Variants in CMSS1 observed in about 807,000 individuals in gnomAD.
The protein encoded by CMSS1 is protein CMSS1.
Under a neutral mutation model 43.5 loss-of-function variants are expected in CMSS1, and 33 were observed. The ratio of observed to expected loss-of-function variants is 0.76; its 90% CI spans 0.57 to 1.01. The LOEUF (loss-of-function observed/expected upper bound fraction) is 1.01, where lower values mean the gene tolerates loss of function less well. Among genes scored for constraint, CMSS1 ranks in the 50% least tolerant of loss-of-function variants. CMSS1 has a pLI of 0.00. For synonymous variants in CMSS1, 115 were observed against 117.2 expected, an observed-to-expected ratio of 0.98 and a Z score of 0.12; for missense variants, 313 against 326.4, an observed-to-expected ratio of 0.96 and a Z score of 0.32.
chr3:99,872,277 G>C (rs1241511862), intron 1 of CMSS1, among the ~76,000 whole-genome samples: 3 of 114,020 alleles, frequency 2.6e-5, no homozygotes, highest in African/African-American at 1.2e-4. Flanking sequence ...GACTGTGTGT[G>C]TGTGTGTGTG....
intron 1 of CMSS1, among the ~76,000 whole-genome samples, chr3:100,037,025 A>C (rs1362474067): frequency 5.9e-5 from 9 of 152,212 alleles, no homozygotes; most frequent in African/African-American, 2.2e-4. Flanking sequence ...GATTAAAAGA[A>C]ACCAAAGAGA....
chr3:99,998,086 C>A (rs1026293528), intron 1 of CMSS1, among the ~76,000 whole-genome samples: 6 of 152,168 alleles, frequency 3.9e-5, no homozygotes, highest in African/African-American at 7.2e-5. Flanking sequence ...TGAGTTAAAA[C>A]CAGTTAACTG....
intron 1 of CMSS1, among the ~76,000 whole-genome samples, chr3:99,942,351 T>C (rs1351911328): frequency 6.6e-6 from 1 of 152,186 alleles, no homozygotes; most frequent in East Asian, 1.9e-4. Flanking sequence ...TTTTAAATAC[T>C]CCAGAAAAAA....
intron 1 of CMSS1, among the ~76,000 whole-genome samples, chr3:100,088,772 C>T (rs2066055055): frequency 6.6e-6 from 1 of 152,062 alleles, no homozygotes; most frequent in Non-Finnish European, 1.5e-5. Context: ...TTTTGTCTCT[C>T]TTCTCTATCT....
intron 1 of CMSS1, chr3:99,830,512 G>A: frequency 2.2e-6 from 1 of 456,688 alleles, no homozygotes; most frequent in South Asian, 1.5e-5. Context: ...TTATCCATAG[G>A]CACTGTGGGG....
rs1464745181 is a variant in CMSS1, at chr3:99,914,603, CTCT to C, written c.64+96566_64+96568del. Among the ~76,000 whole-genome samples, 5 of 152,250 alleles carry C rather than the reference CTCT, an allele frequency of 3.3e-5. No individual in the cohort carries two copies. In the South Asian group the frequency reaches 1.0e-3, roughly 32 times the overall value. ...AAAGTTATAAAGTAAGAAATTGGTT[CTCT>C]TCTTCATTGTTAGTAATGGTATAAA... On this transcript the variant is annotated intron_variant, in intron 1 of 9. Coordinates refer to ENST00000421999, the MANE Select transcript of CMSS1 (RefSeq NM_032359.4).
chr3:99,871,184 G>A (rs1944768205), intron 1 of CMSS1, among the ~76,000 whole-genome samples: 1 of 152,144 alleles, frequency 6.6e-6, no homozygotes, highest in East Asian at 1.9e-4. Flanking sequence ...GACTTAACCT[G>A]AGCCTAACTG....
intron 1 of CMSS1, among the ~76,000 whole-genome samples, chr3:100,036,064 C>G (rs1053286679): frequency 2.0e-5 from 3 of 152,190 alleles, no homozygotes; most frequent in Admixed American, 2.0e-4. Context: ...CTAAAAACCC[C>G]TGTACCATCT....
chr3:99,955,581 C>A (rs1708298118), intron 1 of CMSS1, among the ~76,000 whole-genome samples: 1 of 152,126 alleles, frequency 6.6e-6, no homozygotes, highest in African/African-American at 2.4e-5. Flanking sequence ...AAGCCAGACA[C>A]TTTTTTACTT....
intron 1 of CMSS1, among the ~76,000 whole-genome samples, chr3:100,140,403 T>TTG: frequency 6.6e-6 from 1 of 152,294 alleles, no homozygotes; most frequent in Non-Finnish European, 1.5e-5. Context: ...CTCTATAGTT[T>TTG]TGCCCTTTCT....
intron 4 of CMSS1, 44 bp from the exon 5 acceptor site, chr3:100,166,291 G>T (rs199780598): frequency 3.2e-6 from 4 of 1,264,048 alleles, no homozygotes; most frequent in Non-Finnish European, 3.5e-6. Context: ...GATTGTGTGT[G>T]TGTTTACAAA....
rs183156721 is a variant in CMSS1 at position 100,176,320 on chromosome 3, C to T, written c.668-7C>T. 1.3e-6 allele frequency: 2 copies of T among 1,597,582 alleles called. No individual in the cohort carries two copies. The highest frequency in any genetic ancestry group is 1.7e-6 in the Non-Finnish European group (2 of 1,165,234). On this transcript the variant is annotated splice_region_variant and splice_polypyrimidine_tract_variant and intron_variant, in intron 8 of 9. Coordinates refer to ENST00000421999, the MANE Select transcript of CMSS1 (RefSeq NM_032359.4). ...TACTACAGCAACTCTCTTCCTGTCT[C>T]TTTCAGGTGGCCTTAATTTGAGCCC... is the stretch of plus-strand genomic sequence containing the variant.
chr3:100,145,640 A>G (rs2066843575), intron 1 of CMSS1, among the ~76,000 whole-genome samples: 2 of 152,336 alleles, frequency 1.3e-5, no homozygotes, highest in South Asian at 4.1e-4. Flanking sequence ...TTCTAGTCCT[A>G]GTCTAAAGGC....
intron 1 of CMSS1, among the ~76,000 whole-genome samples, chr3:99,967,056 G>A (rs2107711614): frequency 6.6e-6 from 1 of 152,212 alleles, no homozygotes; most frequent in East Asian, 1.9e-4. Flanking sequence ...GAAAGGATAT[G>A]GGGCAAGAAC....
chr3:99,876,467 T>A (rs953371708), intron 1 of CMSS1, among the ~76,000 whole-genome samples: 2 of 152,196 alleles, frequency 1.3e-5, no homozygotes, highest in Admixed American at 6.5e-5. Flanking sequence ...GCTTGTAACT[T>A]TTTTCCCTCT....
intron 1 of CMSS1, among the ~76,000 whole-genome samples, chr3:99,984,752 T>G (rs376928826): frequency 6.6e-6 from 1 of 152,346 alleles, no homozygotes; most frequent in South Asian, 2.1e-4. Flanking sequence ...TATGTTTTAC[T>G]CAGAATTCTG....
rs1345005141 is a variant in CMSS1, at chr3:99,948,305, CAACATAGT to C, written c.64+130263_64+130270del. Among the ~76,000 whole-genome samples the C allele has an allele frequency of 6.6e-5, 10 of 151,644 alleles. 1 individual carries two copies. The South Asian group carries it at 1.9e-3, about 29-fold the overall frequency. On this transcript the variant is annotated intron_variant, in intron 1 of 9. Transcript: ENST00000421999. ...CCCCGGAGTTTGAGATCAGCCTTAGCAACATAGTGAGACTGTCTCTCCAAAAAAATAAA... is the reference window on the plus strand; with the variant it reads ...CCCCGGAGTTTGAGATCAGCCTTAGCGAGACTGTCTCTCCAAAAAAATAAA...
intron 4 of CMSS1, among the ~76,000 whole-genome samples, chr3:100,164,676 AG>A (rs1559777377): frequency 6.6e-6 from 1 of 152,210 alleles, no homozygotes; most frequent in Non-Finnish European, 1.5e-5. Flanking sequence ...GATGAGACCA[AG>A]GACAGAGAAT....
intron 1 of CMSS1, among the ~76,000 whole-genome samples, chr3:99,893,661 T>C (rs1253589202): frequency 6.6e-6 from 1 of 152,212 alleles, no homozygotes; most frequent in African/African-American, 2.4e-5. Flanking sequence ...CTAATTCCTT[T>C]AAAGTTAGCT....
Sources: gnomAD v4.1 joint callset for allele counts (sites outside exome capture counted in the v4.1 genomes callset) on GRCh38, gnomAD v4.1.1 for gene constraint, MANE v1.5 for transcripts, NCBI Gene and HGNC (gene_info 2026-07-23, HGNC 2026-07-21) for gene names.